The following CARS1 variants were observed in gnomAD, a reference collection of about 807,000 sequenced individuals.
The protein encoded by CARS1 is cysteinyl-tRNA synthetase 1.
In CARS1, 48 loss-of-function variants were observed where a neutral mutation model predicts 106.2. The observed-to-expected ratio is 0.45, with a 90% CI of 0.36 to 0.57. The LOEUF is 0.57. CARS1 is among the 20% of genes least tolerant of loss of function. The pLI is 0.00. For synonymous variants in CARS1, 409 were observed against 403.4 expected (o/e 1.01, Z -0.17); for missense variants, 968 against 1,057.2 (o/e 0.92, Z 1.17).
rs1484158436 is a variant in CARS1, at chr11:3,039,917, A to C, written c.470T>G (p.Phe157Cys). The stretch of plus-strand genomic sequence containing the variant: ...CTTCAACACTCTTCTCAAGATATCA[A>C]AAGAGATGTAGGACCTAAAGCAATG... ...HMGHARSYIS[F>C]DILRRVLKDY... Residue 157 changes from phenylalanine to cysteine, a missense_variant, in exon 5 of 23, where the codon TTT becomes TGT. Phe to Cys is a radical substitution (Grantham distance 205, BLOSUM62 -2). Transcript: ENST00000380525. The surrounding 1 kb of genome is among the most constrained non-coding windows in gnomAD (Gnocchi z 5.6). 1.0e-5 allele frequency: 16 copies of C among 1,578,132 alleles called. No homozygotes were observed. The highest frequency in any genetic ancestry group is 1.3e-5 in the Non-Finnish European group (15 of 1,157,984).
Position 3,020,136 on chromosome 11 carries a change from A to T in CARS1, c.1266+84T>A. 1.2e-6 allele frequency: 1 copy of T among 836,998 alleles called. No homozygotes were observed. The highest frequency in any genetic ancestry group is 1.4e-5 in the South Asian group (1 of 72,382). The allele number at this position is 836,998 out of a possible 1,614,324, so 51.8% of individuals were successfully genotyped here. On this transcript the variant is annotated intron_variant, in intron 11 of 22. Transcript: ENST00000380525. The surrounding 1 kb of genome is among the most constrained non-coding windows in gnomAD (Gnocchi z 4.6). ...CAGTGACAACATCCTTCACACACAG[A>T]GCGGCCCTCTGCTGGGGGCCTGAGA...
rs572062992 is a variant in CARS1 at position 3,046,857 on chromosome 11, C to T, written c.274+896G>A. ...CCACAGAGTGACAAAGCCATGCAGG[C>T]ATCCCAGGAGTATCTCCCGCAAATA... On this transcript the variant is annotated intron_variant, in intron 2 of 22. Coordinates refer to ENST00000380525, the MANE Select transcript of CARS1 (RefSeq NM_001014437.3). The surrounding 1 kb of genome is among the most constrained non-coding windows in gnomAD (Gnocchi z 5.8). Among the ~76,000 whole-genome samples the T allele has an allele frequency of 2.0e-5, 3 of 152,326 alleles. No homozygotes were observed. The highest frequency in any genetic ancestry group is 7.2e-5 in the African/African-American group (3 of 41,570).
chr11:3,017,181 G>A lies in CARS1; in HGVS notation c.1842C>T (p.Ala614=). The change falls in exon 16 of 23, where the codon GCC becomes GCT. Residue 614 remains alanine (A), a synonymous_variant. Coordinates refer to ENST00000380525, the MANE Select transcript of CARS1 (RefSeq NM_001014437.3). This position sits in a 1 kb window ranked among gnomAD's most constrained non-coding sequence, Gnocchi z 4.9. ...TGGGCCTCTTCCTCACGGCTTTCCG[G>A]GCTGCCATATAGAGGTTGCACTGAC... is the stretch of plus-strand genomic sequence containing the variant. ...LVSQCNLYMA[A]RKAVRKRPNQ... 1 of 1,614,182 alleles carries A rather than the reference G, an allele frequency of 6.2e-7. No individual in the cohort carries two copies. The highest frequency in any genetic ancestry group is 8.5e-7 in the Non-Finnish European group (1 of 1,180,014).
rs1855770953 is a variant in CARS1 at position 3,052,231 on chromosome 11, G to C, written c.26-4230C>G. Among the ~76,000 whole-genome samples, 1 of 152,228 alleles carries C rather than the reference G, an allele frequency of 6.6e-6. No individual in the cohort carries two copies. Among genetic ancestry groups the C allele is most frequent in the African/African-American group, 2.4e-5 (1 of 41,462 alleles). On this transcript the variant is annotated intron_variant, in intron 1 of 22. Coordinates refer to ENST00000380525, the MANE Select transcript of CARS1 (RefSeq NM_001014437.3). The surrounding 1 kb of genome is among the most constrained non-coding windows in gnomAD (Gnocchi z 4.6). ...AGGGGCGGCCCCGACGCCCTCCAGGGCTGAGTACCTACACTCACACACACG... is the reference window on the plus strand; with the variant it reads ...AGGGGCGGCCCCGACGCCCTCCAGGCCTGAGTACCTACACTCACACACACG...
chr11:3,012,078 C>T (rs1278176461), intron 18 of CARS1, 117 bp downstream of exon 18: 2 of 930,116 alleles, frequency 2.2e-6, no homozygotes, highest in Non-Finnish European at 3.5e-6. Context: ...GTGCACGGGG[C>T]AGCCTTCCCA....
intron 10 of CARS1, among the ~76,000 whole-genome samples, chr11:3,025,584 T>C (rs1015109765): frequency 6.6e-6 from 1 of 152,216 alleles, no homozygotes; most frequent in Admixed American, 6.5e-5. Flanking sequence ...AGTATGAACA[T>C]TTTTATGGCC....
In CARS1 at chr11:3,030,707, A is replaced by C. The variant is rs1852647527; in HGVS notation, c.802-1264T>G. The stretch of plus-strand genomic sequence containing the variant: ...TGGAGGAGTTATCAGATACATAATA[A>C]AATCCAGTAAATATTACAGGCTTAA... On this transcript the variant is annotated intron_variant, in intron 7 of 22. Transcript: ENST00000380525. This position sits in a 1 kb window ranked among gnomAD's most constrained non-coding sequence, Gnocchi z 5.7. 6.6e-6 allele frequency: 1 copy of C among 152,178 alleles called. No individual in the cohort carries two copies. The highest frequency in any genetic ancestry group is 2.1e-4 in the South Asian group (1 of 4,824). 9.4% of individuals were successfully genotyped at this position (152,178 alleles called of 1,614,324 possible).
At position 3,011,302 on chromosome 11, in the gene CARS1, A is replaced by G. The variant is rs140839477; in HGVS notation, c.2068+893T>C. The stretch of plus-strand genomic sequence containing the variant: ...AAGTCTTAAACCACACACATCTCAG[A>G]AATTTCAAAAGATGAAGGAATGGCC... On this transcript the variant is annotated intron_variant, in intron 18 of 22. Coordinates refer to ENST00000380525, the MANE Select transcript of CARS1 (RefSeq NM_001014437.3). Among the ~76,000 whole-genome samples the G allele has an allele frequency of 4.8e-3, 726 of 152,318 alleles. 6 individuals are homozygous for G. Among genetic ancestry groups the G allele is most frequent in the Admixed American group, 8.8e-3 (134 of 15,304 alleles).
intron 7 of CARS1, among the ~76,000 whole-genome samples, chr11:3,035,842 T>G (rs1853544685): frequency 6.6e-6 from 1 of 152,214 alleles, no homozygotes; most frequent in Non-Finnish European, 1.5e-5. Flanking sequence ...AGAAGGTCTG[T>G]GTCTGCCACC....
In CARS1 at chr11:3,044,202, C is replaced by T. The variant is rs1854838332; in HGVS notation, c.275-1946G>A. Among the ~76,000 whole-genome samples, 1 of 152,174 alleles carries T rather than the reference C, an allele frequency of 6.6e-6. No individual in the cohort carries two copies. The highest frequency in any genetic ancestry group is 6.5e-5 in the Admixed American group (1 of 15,282). Reference sequence around the variant, plus strand: ...GCCATGAGGCCACGGGATCATCACACTCACCCTGCTATGAGGAAACGGCCC... The same window carrying T: ...GCCATGAGGCCACGGGATCATCACATTCACCCTGCTATGAGGAAACGGCCC... On this transcript the variant is annotated intron_variant, in intron 2 of 22. Transcript: ENST00000380525. This position sits in a 1 kb window ranked among gnomAD's most constrained non-coding sequence, Gnocchi z 4.4.
chr11:3,047,573 A>G (rs867563517), intron 2 of CARS1, among the ~76,000 whole-genome samples, 180 bp downstream of exon 2: 1 of 152,210 alleles, frequency 6.6e-6, no homozygotes, highest in South Asian at 2.1e-4. Context: ...GCGTGATTTT[A>G]TCCCAACCTC....
At position 3,045,554 on chromosome 11, in the gene CARS1, G is replaced by A. The variant is rs931458563; in HGVS notation, c.274+2199C>T. Among the ~76,000 whole-genome samples the A allele has an allele frequency of 8.5e-5, 13 of 152,318 alleles. No individual in the cohort carries two copies. Among genetic ancestry groups the A allele is most frequent in the South Asian group, 4.1e-4 (2 of 4,826 alleles). ...GCTGGGATTACAGGAGTGAGCCACC[G>A]CGCCGGGCCAAGCAGAGTCTTTCCA... is the stretch of plus-strand genomic sequence containing the variant. On this transcript the variant is annotated intron_variant, in intron 2 of 22. Coordinates refer to ENST00000380525, the MANE Select transcript of CARS1 (RefSeq NM_001014437.3). The surrounding 1 kb of genome is among the most constrained non-coding windows in gnomAD (Gnocchi z 5.6).
rs966904395 is a variant in CARS1 at position 3,037,737 on chromosome 11, C to T, written c.801+313G>A. Among the ~76,000 whole-genome samples the T allele has an allele frequency of 3.3e-5, 5 of 152,194 alleles. No individual in the cohort carries two copies. The highest frequency in any genetic ancestry group is 2.0e-4 in the Admixed American group (3 of 15,276). ...GCTGGAGAATCTTGGAACACTTCGACAGAAGGCTGCCTCCCCACGTTCCAA... is the reference window on the plus strand; with the variant it reads ...GCTGGAGAATCTTGGAACACTTCGATAGAAGGCTGCCTCCCCACGTTCCAA... On this transcript the variant is annotated intron_variant, in intron 7 of 22. Transcript: ENST00000380525. The surrounding 1 kb of genome is among the most constrained non-coding windows in gnomAD (Gnocchi z 5.9).
chr11:3,056,050 C>T (rs1211754406), intron 1 of CARS1, among the ~76,000 whole-genome samples: 1 of 152,200 alleles, frequency 6.6e-6, no homozygotes, highest in Non-Finnish European at 1.5e-5. Context: ...GGAATCCAGG[C>T]ACACAGGTAG....
chr11:3,043,154 C>A lies in CARS1; in HGVS notation c.275-898G>T. Reference sequence around the variant, plus strand: ...TTGTTCCCCTCCACTCGCCTGTGGGCCGCCTGGGCTGCTCTGAGCACACTG... The same window carrying A: ...TTGTTCCCCTCCACTCGCCTGTGGGACGCCTGGGCTGCTCTGAGCACACTG... On this transcript the variant is annotated intron_variant, in intron 2 of 22. Coordinates refer to ENST00000380525, the MANE Select transcript of CARS1 (RefSeq NM_001014437.3). The surrounding 1 kb of genome is among the most constrained non-coding windows in gnomAD (Gnocchi z 4.0). Among the ~76,000 whole-genome samples, 2 of 152,188 alleles carry A rather than the reference C, an allele frequency of 1.3e-5. No homozygotes were observed. The highest frequency in any genetic ancestry group is 2.9e-5 in the Non-Finnish European group (2 of 68,020).
intron 17 of CARS1, among the ~76,000 whole-genome samples, chr11:3,015,067 C>T (rs1035767394): frequency 1.8e-4 from 28 of 152,144 alleles, no homozygotes; most frequent in African/African-American, 6.5e-4. Context: ...GTGTGTCAGA[C>T]GGGACAGGGG....
chr11:3,015,951 C>A, intron 16 of CARS1, 102 bp from the exon 17 acceptor site: 1 of 964,886 alleles, frequency 1.0e-6, no homozygotes, highest in Non-Finnish European at 1.7e-6. Context: ...GGGGGTGCCC[C>A]AAGACCAGGA....
chr11:3,017,922 G>A lies in CARS1; in HGVS notation c.1662C>T (p.Arg554=), dbSNP rs764533092. 1.2e-5 allele frequency: 20 copies of A among 1,613,504 alleles called. No individual in the cohort carries two copies. In the Admixed American group the frequency reaches 1.8e-4, roughly 15 times the overall value. Residue 554 remains arginine (R), a synonymous_variant, in exon 15 of 23, where the codon CGC becomes CGT. Coordinates refer to ENST00000380525, the MANE Select transcript of CARS1 (RefSeq NM_001014437.3). This position sits in a 1 kb window ranked among gnomAD's most constrained non-coding sequence, Gnocchi z 4.9. Reference sequence around the variant, plus strand: ...ACTGACCAGTGATGTCAACAGGAGCGCGAAGGATATCTTTCACATTTAAGA... The same window carrying A: ...ACTGACCAGTGATGTCAACAGGAGCACGAAGGATATCTTTCACATTTAAGA... ...EFFLNVKDIL[R]APVDITGQFE... is the part of the protein sequence containing the mutation.
Position 3,037,336 on chromosome 11 carries a change from C to T in CARS1, c.801+714G>A, listed in dbSNP as rs1853781403. On this transcript the variant is annotated intron_variant, in intron 7 of 22. Coordinates refer to ENST00000380525, the MANE Select transcript of CARS1 (RefSeq NM_001014437.3). This position sits in a 1 kb window ranked among gnomAD's most constrained non-coding sequence, Gnocchi z 5.9. ...GGCAGACACAGACTCCCTGCCCCAT[C>T]ACTGAGGTGGGGCCAGGGCAGTGGT... Among the ~76,000 whole-genome samples the T allele has an allele frequency of 6.6e-6, 1 of 152,270 alleles. No individual in the cohort carries two copies. Among genetic ancestry groups the T allele is most frequent in the African/African-American group, 2.4e-5 (1 of 41,476 alleles).
Sources: gnomAD v4.1 joint callset for allele counts (sites outside exome capture counted in the v4.1 genomes callset) on GRCh38, gnomAD v4.1.1 for gene constraint, Gnocchi (gnomAD v3.1) non-coding constraint, MANE v1.5 for transcripts, NCBI Gene and HGNC (gene_info 2026-07-23, HGNC 2026-07-21) for gene names.